The following DCC variants were observed in gnomAD, a reference collection of about 807,000 sequenced individuals.
DCC encodes netrin receptor DCC.
DCC carries 58 observed loss-of-function variants against 172.5 expected under a neutral mutation model. The observed-to-expected ratio is 0.34, with a 90% CI of 0.27 to 0.42. DCC has a LOEUF of 0.42. DCC is among the 10% of genes least tolerant of loss of function. DCC has a pLI of 1.00. For missense variants in DCC, 1,740 were observed against 1,791.0 expected (o/e 0.97, Z 0.51); for synonymous variants, 709 against 644.5 (o/e 1.10, Z -1.52).
At position 53,533,410 on chromosome 18, in the gene DCC, C is replaced by A. The variant is rs187379913; in HGVS notation, c.*2757C>A. 6.6e-6 allele frequency: 1 copy of A among 152,192 alleles called. No individual in the cohort carries two copies. Among genetic ancestry groups the A allele is most frequent in the Admixed American group, 6.5e-5 (1 of 15,282 alleles). The allele number at this position is 152,192 out of a possible 1,614,324, so 9.4% of individuals were successfully genotyped here. Reference sequence around the variant, plus strand: ...ATTTCTCCCTGAAAAAGAAGAAAATCATATTTGGCAGAGCATTCTCTGGTC... The same window carrying A: ...ATTTCTCCCTGAAAAAGAAGAAAATAATATTTGGCAGAGCATTCTCTGGTC... On this transcript the variant is annotated 3_prime_UTR_variant, in exon 29 of 29. Transcript: ENST00000442544.
At chr18:52,679,702 G>A (rs1040293213) in intron 1 of DCC, among the ~76,000 whole-genome samples, 3 of 152,116 alleles carry the variant, frequency 2.0e-5, no homozygotes, top group African/African-American at 7.2e-5. Context: ...GGCAGTTTCA[G>A]TTTAATCATT....
chr18:53,122,430 T>C (rs1202505586), intron 7 of DCC, among the ~76,000 whole-genome samples: 1 of 152,030 alleles, frequency 6.6e-6, no homozygotes, highest in Non-Finnish European at 1.5e-5. Context: ...AGCCCCATAA[T>C]CACCACTTCT....
intron 8 of DCC, among the ~76,000 whole-genome samples, chr18:53,177,450 T>C: frequency 6.6e-6 from 1 of 152,224 alleles, no homozygotes; most frequent in Non-Finnish European, 1.5e-5. Flanking sequence ...GTTAAAATGA[T>C]GGTAACCCGT....
rs560965666 is a variant in DCC at position 52,523,882 on chromosome 18, G to A, written c.91+183004G>A. On this transcript the variant is annotated intron_variant, in intron 1 of 28. Transcript: ENST00000442544. ...TAATTTGAACCCAATTTTTTAAAAA[G>A]AGCAAGTTCTGCCGTTGTCTTAAGT... Among the ~76,000 whole-genome samples the A allele has an allele frequency of 8.5e-5, 13 of 152,264 alleles. No homozygotes were observed. The East Asian group carries it at 2.5e-3, about 29-fold the overall frequency.
intron 5 of DCC, among the ~76,000 whole-genome samples, chr18:52,993,523 G>T (rs924932558): frequency 2.7e-5 from 4 of 148,138 alleles, no homozygotes; most frequent in Non-Finnish European, 4.5e-5. Flanking sequence ...TTCTATTATT[G>T]CCTCATGTGG....
intron 12 of DCC, among the ~76,000 whole-genome samples, chr18:53,264,724 G>C (rs1568400453): frequency 6.6e-6 from 1 of 151,960 alleles, no homozygotes; most frequent in African/African-American, 2.4e-5. Context: ...GTAGTTGTTA[G>C]GTGATTCTCC....
chr18:52,829,612 C>T (rs9961242), intron 2 of DCC, among the ~76,000 whole-genome samples: 37,783 of 151,630 alleles, frequency 0.25, 4,929 homozygotes, highest in South Asian at 0.3. Flanking sequence ...CTACTCAGAC[C>T]TCAAGAAGTG....
chr18:53,399,121 A>T (rs1234490969), intron 18 of DCC, among the ~76,000 whole-genome samples: 2 of 152,098 alleles, frequency 1.3e-5, no homozygotes, highest in Non-Finnish European at 1.5e-5. Flanking sequence ...GGTTAACTGA[A>T]GTAAAATAAA....
chr18:53,110,825 G>A (rs1442985004), intron 7 of DCC, among the ~76,000 whole-genome samples: 1 of 125,538 alleles, frequency 8.0e-6, no homozygotes, highest in African/African-American at 3.1e-5. Flanking sequence ...TTCAACCATT[G>A]TGGAAGTCAG....
At chr18:53,455,226 G>A (rs988009045) in intron 23 of DCC, among the ~76,000 whole-genome samples, 32 of 152,238 alleles carry the variant, frequency 2.1e-4, no homozygotes, top group East Asian at 1.3e-3. Flanking sequence ...TTTTAACCAC[G>A]GGAATTAGTA....
intron 25 of DCC, among the ~76,000 whole-genome samples, chr18:53,478,223 C>G (rs952070873): frequency 1.3e-5 from 2 of 152,180 alleles, no homozygotes; most frequent in Non-Finnish European, 2.9e-5. Context: ...CCTTCTCTAT[C>G]CTGACTCAAG....
intron 1 of DCC, among the ~76,000 whole-genome samples, chr18:52,430,090 G>A (rs1987571343): frequency 6.6e-6 from 1 of 152,144 alleles, no homozygotes; most frequent in South Asian, 2.1e-4. Context: ...CTGAAAAGGT[G>A]AGCTAGGATC....
chr18:52,791,198 A>G (rs1182429402), intron 2 of DCC, among the ~76,000 whole-genome samples: 3 of 152,164 alleles, frequency 2.0e-5, no homozygotes, highest in African/African-American at 7.2e-5. Context: ...TATGATTGCT[A>G]AAAGAGCCGG....
intron 9 of DCC, among the ~76,000 whole-genome samples, chr18:53,190,458 CTGTGTGTGTGTG>C (rs67103778): frequency 0.22 from 32,574 of 146,274 alleles, 4,743 homozygotes; most frequent in East Asian, 0.54. Flanking sequence ...ACTGCTAACT[CTGTGTGTGTGTG>C]TGTGTGTGTG....
intron 24 of DCC, among the ~76,000 whole-genome samples, chr18:53,459,914 T>A (rs758279465): frequency 2.9e-4 from 44 of 151,944 alleles, no homozygotes; most frequent in Non-Finnish European, 2.8e-4. Flanking sequence ...GCACTTGAAG[T>A]ACAAAAAAAC....
At chr18:52,795,503 C>T (rs12955439) in intron 2 of DCC, among the ~76,000 whole-genome samples, 471 of 151,728 alleles carry the variant, frequency 3.1e-3, no homozygotes, top group Middle Eastern at 6.8e-3. Context: ...TTCTCTTTTT[C>T]TTGGTTAATC....
intron 5 of DCC, among the ~76,000 whole-genome samples, chr18:52,955,328 T>C (rs1293970697): frequency 6.6e-6 from 1 of 152,172 alleles, no homozygotes; most frequent in Non-Finnish European, 1.5e-5. Flanking sequence ...CCTTTTAAAA[T>C]TGGCTTCTTT....
intron 5 of DCC, among the ~76,000 whole-genome samples, chr18:53,056,832 G>A (rs556710624): frequency 6.6e-6 from 1 of 151,730 alleles, no homozygotes; most frequent in African/African-American, 2.4e-5. Context: ...TACTCAGTTT[G>A]TGTTGTTCAG....
At chr18:52,440,010 C>T (rs924543426) in intron 1 of DCC, among the ~76,000 whole-genome samples, 10 of 152,124 alleles carry the variant, frequency 6.6e-5, no homozygotes, top group South Asian at 2.1e-4. Context: ...GACAAGTTTG[C>T]GGGTCAGGGC....
Sources: allele counts gnomAD v4.1 joint callset (sites outside exome capture counted in the v4.1 genomes callset), GRCh38; gene constraint gnomAD v4.1.1; transcripts MANE v1.5; gene names NCBI Gene and HGNC (gene_info 2026-07-23, HGNC 2026-07-21).